Variants in SEPTIN9 observed in about 807,000 individuals in gnomAD.
The protein encoded by SEPTIN9 is septin-9.
In SEPTIN9, 13 loss-of-function variants were observed where a neutral mutation model predicts 56.6. The observed-to-expected ratio is 0.23, with a 90% CI of 0.15 to 0.37. The LOEUF (loss-of-function observed/expected upper bound fraction) is 0.37, where lower values mean the gene tolerates loss of function less well. SEPTIN9 is among the 10% of genes least tolerant of loss of function. SEPTIN9 has a pLI of 1.00. For synonymous variants in SEPTIN9, 332 were observed against 334.1 expected (o/e 0.99, Z 0.07); for missense variants, 650 against 823.1 (o/e 0.79, Z 2.57).
At chr17:77,489,237 G>C (rs2039926203) in intron 7 of SEPTIN9, among the ~76,000 whole-genome samples, 1 of 152,174 alleles carries the variant, frequency 6.6e-6, no homozygotes. Flanking sequence ...TCCGGGCCCT[G>C]CCTCATGGGA....
intron 3 of SEPTIN9, among the ~76,000 whole-genome samples, chr17:77,466,250 A>G (rs953552385): frequency 2.6e-5 from 4 of 152,160 alleles, no homozygotes; most frequent in Middle Eastern, 3.2e-3. Flanking sequence ...GTCTGTTACC[A>G]TCCCTCAGAG....
In SEPTIN9 at chr17:77,405,568, C is replaced by T. The variant is rs923729197; in HGVS notation, c.721+2865C>T. ...GGAGTCCAGCTCACGTGGAGAGGTC[C>T]GTGGGCTGGGCTGACAGTCCTGAGG... On this transcript the variant is annotated intron_variant, in intron 3 of 11. Coordinates refer to ENST00000427177, the MANE Select transcript of SEPTIN9 (RefSeq NM_001113491.2). This position sits in a 1 kb window ranked among gnomAD's most constrained non-coding sequence, Gnocchi z 5.8. 2.6e-5 allele frequency among the ~76,000 whole-genome samples: 4 copies of T among 152,260 alleles called. No homozygotes were observed. The highest frequency in any genetic ancestry group is 2.9e-5 in the Non-Finnish European group (2 of 68,014).
At chr17:77,316,352 G>A (rs2032706230) in intron 2 of SEPTIN9, among the ~76,000 whole-genome samples, 1 of 152,182 alleles carries the variant, frequency 6.6e-6, no homozygotes, top group Admixed American at 6.5e-5. Context: ...AATCGGTGCT[G>A]CCAGGTTTTC....
At chr17:77,413,588 A>G (rs1048331506) in intron 3 of SEPTIN9, among the ~76,000 whole-genome samples, 2 of 152,162 alleles carry the variant, frequency 1.3e-5, no homozygotes, top group African/African-American at 4.8e-5. Context: ...TGTGCAGTGC[A>G]GGGTGATGTG....
intron 2 of SEPTIN9, among the ~76,000 whole-genome samples, chr17:77,394,945 G>A (rs1019080585): frequency 5.3e-5 from 8 of 152,210 alleles, no homozygotes; most frequent in African/African-American, 1.9e-4. Context: ...AGGTGCTTGA[G>A]AATAGGAGAA....
In SEPTIN9 at chr17:77,490,864, G is replaced by C. The variant is rs762976032; in HGVS notation, c.1380+5G>C. On this transcript the variant is annotated splice_donor_5th_base_variant and intron_variant, in intron 8 of 11. Transcript: ENST00000427177. ...AGGGTCCACTTCAAACAGCGGGTAGGGTTCCATCTCTACTTGCCCCAGCCC... is the reference window on the plus strand; with the variant it reads ...AGGGTCCACTTCAAACAGCGGGTAGCGTTCCATCTCTACTTGCCCCAGCCC... The C allele has an allele frequency of 8.5e-5, 133 of 1,563,078 alleles. No homozygotes were observed. Among genetic ancestry groups the C allele is most frequent in the Non-Finnish European group, 1.1e-4 (130 of 1,152,164 alleles).
chr17:77,473,210 C>T (rs539830242), intron 3 of SEPTIN9, among the ~76,000 whole-genome samples: 1 of 152,324 alleles, frequency 6.6e-6, no homozygotes, highest in Admixed American at 6.5e-5. Context: ...CTCTTTGTTT[C>T]TCAGACTCAT....
intron 3 of SEPTIN9, among the ~76,000 whole-genome samples, chr17:77,477,665 AG>A (rs1313137349): frequency 2.6e-5 from 4 of 152,180 alleles, no homozygotes; most frequent in African/African-American, 9.6e-5. Flanking sequence ...AGGAGCTGGG[AG>A]GGAGGTCAGG....
At chr17:77,361,202 G>A (rs1296079326) in intron 2 of SEPTIN9, among the ~76,000 whole-genome samples, 1 of 152,162 alleles carries the variant, frequency 6.6e-6, no homozygotes, top group Non-Finnish European at 1.5e-5. Flanking sequence ...GGGATTACAG[G>A]CGTGAGCCAC....
At chr17:77,345,018 A>G (rs959931642) in intron 2 of SEPTIN9, among the ~76,000 whole-genome samples, 3 of 150,922 alleles carry the variant, frequency 2.0e-5, no homozygotes, top group Non-Finnish European at 4.4e-5. Flanking sequence ...CACATGCTAT[A>G]GCATAGATGA....
rs896902845 is a variant in SEPTIN9, at chr17:77,451,591, G to A, written c.722-30553G>A. The stretch of plus-strand genomic sequence containing the variant: ...ACTGGCTCGGGGGCTCTCAGGTGGC[G>A]CGGCCGCGAGGCGGACCCTGATGGC... On this transcript the variant is annotated intron_variant, in intron 3 of 11. Coordinates refer to ENST00000427177, the MANE Select transcript of SEPTIN9 (RefSeq NM_001113491.2). This position sits in a 1 kb window ranked among gnomAD's most constrained non-coding sequence, Gnocchi z 4.2. 2.6e-5 allele frequency: 25 copies of A among 976,876 alleles called. No homozygotes were observed. Among genetic ancestry groups the A allele is most frequent in the Non-Finnish European group, 1.8e-5 (15 of 822,242 alleles). 60.5% of individuals were successfully genotyped at this position (976,876 alleles called of 1,614,324 possible).
At chr17:77,488,415 G>T in intron 6 of SEPTIN9, 94 bp downstream of exon 6, 1 of 1,204,316 alleles carries the variant, frequency 8.3e-7, no homozygotes, top group South Asian at 1.2e-5. Flanking sequence ...CGGCCCGCGG[G>T]GGTGCAGGGC....
Position 77,476,948 on chromosome 17 carries a change from G to A in SEPTIN9, c.722-5196G>A, listed in dbSNP as rs1163643467. Reference sequence around the variant, plus strand: ...TTATTTTATTTTACTTTACATTCTGGGATACATGTGCAGAACGTGCAGGTT... The same window carrying A: ...TTATTTTATTTTACTTTACATTCTGAGATACATGTGCAGAACGTGCAGGTT... On this transcript the variant is annotated intron_variant, in intron 3 of 11. Transcript: ENST00000427177. This position sits in a 1 kb window ranked among gnomAD's most constrained non-coding sequence, Gnocchi z 6.0. Among the ~76,000 whole-genome samples the A allele has an allele frequency of 1.3e-5, 2 of 152,238 alleles. No homozygotes were observed. Among genetic ancestry groups the A allele is most frequent in the East Asian group, 3.9e-4 (2 of 5,180 alleles).
intron 1 of SEPTIN9, among the ~76,000 whole-genome samples, 184 bp from the exon 2 acceptor site, chr17:77,306,954 GGCT>G (rs2032291944): frequency 6.6e-6 from 1 of 152,212 alleles, no homozygotes; most frequent in Non-Finnish European, 1.5e-5. Context: ...AGACAGCAGT[GGCT>G]GTCATCCCTC....
At chr17:77,419,039 A>G (rs1185590463) in intron 3 of SEPTIN9, among the ~76,000 whole-genome samples, 1 of 152,062 alleles carries the variant, frequency 6.6e-6, no homozygotes, top group African/African-American at 2.4e-5. Flanking sequence ...GCACCCTACA[A>G]CCTGCTTCCT....
chr17:77,442,525 A>G (rs993368596), intron 3 of SEPTIN9, among the ~76,000 whole-genome samples: 1 of 151,612 alleles, frequency 6.6e-6, no homozygotes, highest in African/African-American at 2.4e-5. Flanking sequence ...AAAAAAAAAA[A>G]AAAGAACTTA....
At chr17:77,477,013 C>A (rs1238230345) in intron 3 of SEPTIN9, among the ~76,000 whole-genome samples, 2 of 152,174 alleles carry the variant, frequency 1.3e-5, no homozygotes, top group African/African-American at 2.4e-5. Context: ...GTTTGCTGCA[C>A]CCATTGGACT....
rs544739036 is a variant in SEPTIN9 at position 77,453,184 on chromosome 17, G to T, written c.722-28960G>T. Among the ~76,000 whole-genome samples, 9 of 152,168 alleles carry T rather than the reference G, an allele frequency of 5.9e-5. No homozygotes were observed. The highest frequency in any genetic ancestry group is 1.3e-4 in the Non-Finnish European group (9 of 68,034). ...GACCCACTGTGTGCGCCTGGGGGGT[G>T]GCGTGGGGCACTCTGGGATGAGAAG... On this transcript the variant is annotated intron_variant, in intron 3 of 11. Transcript: ENST00000427177. This position sits in a 1 kb window ranked among gnomAD's most constrained non-coding sequence, Gnocchi z 4.4.
At position 77,449,064 on chromosome 17, in the gene SEPTIN9, G is replaced by A. The variant is rs570708403; in HGVS notation, c.722-33080G>A. Among the ~76,000 whole-genome samples the A allele has an allele frequency of 1.1e-4, 17 of 152,286 alleles. No individual in the cohort carries two copies. Among genetic ancestry groups the A allele is most frequent in the Admixed American group, 9.8e-4 (15 of 15,300 alleles). On this transcript the variant is annotated intron_variant, in intron 3 of 11. Coordinates refer to ENST00000427177, the MANE Select transcript of SEPTIN9 (RefSeq NM_001113491.2). The surrounding 1 kb of genome is among the most constrained non-coding windows in gnomAD (Gnocchi z 4.6). ...CTCCCAAAGTGCTGGTATGACAGGCGTGAGCCACTGTGCCTGGCTTGTTCT... is the reference window on the plus strand; with the variant it reads ...CTCCCAAAGTGCTGGTATGACAGGCATGAGCCACTGTGCCTGGCTTGTTCT...
Sources: gnomAD v4.1 joint callset for allele counts (sites outside exome capture counted in the v4.1 genomes callset) on GRCh38, gnomAD v4.1.1 for gene constraint, Gnocchi (gnomAD v3.1) non-coding constraint, MANE v1.5 for transcripts, NCBI Gene and HGNC (gene_info 2026-07-23, HGNC 2026-07-21) for gene names.